DBT: variants seen among roughly 807,000 people sequenced by gnomAD.
DBT encodes the protein dihydrolipoamide branched chain transacylase E2.
A neutral mutation model predicts 51.3 loss-of-function variants in DBT; 40 were observed. That is an observed-to-expected ratio of 0.78 (90% CI 0.61 to 1.02). DBT has a LOEUF of 1.02. Ranked by LOEUF, DBT falls within the 50% of genes least tolerant of loss-of-function variation. DBT has a pLI of 0.00. For synonymous variants in DBT, 181 were observed against 190.4 expected (o/e 0.95, Z 0.41); for missense variants, 510 against 580.2 (o/e 0.88, Z 1.24).
At position 100,240,817 on chromosome 1, in the gene DBT, A is replaced by C; in HGVS notation, c.119T>G (p.Phe40Cys). ...HVLKPNYVCF[F>C]GYPSFKYSHP... ...ACTATACTTGAATGAAGGATAACCAAAGAAACACACATAATTTGGCTTCAA... is the reference window on the plus strand; with the variant it reads ...ACTATACTTGAATGAAGGATAACCACAGAAACACACATAATTTGGCTTCAA... Residue 40 changes from phenylalanine to cysteine, a missense_variant, in exon 2 of 11, where the codon TTT becomes TGT. By Grantham distance (205) the Phe-to-Cys change is radical. Transcript: ENST00000370132. 6.2e-7 allele frequency: 1 copy of C among 1,609,686 alleles called. No homozygotes were observed. Among genetic ancestry groups the C allele is most frequent in the East Asian group, 2.2e-5 (1 of 44,766 alleles).
At position 100,192,140 on chromosome 1, in the gene DBT, C is replaced by G. The variant is rs978786956; in HGVS notation, c.*4115G>C. 1.3e-5 allele frequency: 2 copies of G among 152,122 alleles called. No individual in the cohort carries two copies. Among genetic ancestry groups the G allele is most frequent in the Non-Finnish European group, 2.9e-5 (2 of 68,046 alleles). 9.4% of individuals were successfully genotyped at this position (152,122 alleles called of 1,614,324 possible). On this transcript the variant is annotated 3_prime_UTR_variant, in exon 11 of 11. Transcript: ENST00000370132. ...ACTGGAAATGATGTGGGTTCACACA[C>G]ATGATCCAATCTCAAGAAAAGACAG...
chr1:100,241,173 G>C (rs955952922), intron 1 of DBT, among the ~76,000 whole-genome samples: 1 of 152,050 alleles, frequency 6.6e-6, no homozygotes, highest in African/African-American at 2.4e-5. Context: ...GTAATAGTTA[G>C]CATCTAAAAA....
chr1:100,211,204 C>T (rs1400711960), intron 7 of DBT: 2 of 740,690 alleles, frequency 2.7e-6, no homozygotes, highest in Admixed American at 1.9e-5. Context: ...TCAAAGCGCA[C>T]TGACCAGTAG....
Position 100,191,795 on chromosome 1 carries a change from CACACACACACACAG to C in DBT, c.*4446_*4459del, listed in dbSNP as rs1660823363. ...ACACACACACACACACACACACACA[CACACACACACACAG>C]AGTCTTGCTCTGTCGCCCAGGCTGG... On this transcript the variant is annotated 3_prime_UTR_variant, in exon 11 of 11. Coordinates refer to ENST00000370132, the MANE Select transcript of DBT (RefSeq NM_001918.5). 2 of 135,076 alleles carry C rather than the reference CACACACACACACAG, an allele frequency of 1.5e-5. No individual in the cohort carries two copies. Among genetic ancestry groups the C allele is most frequent in the Non-Finnish European group, 3.3e-5 (2 of 61,528 alleles). The allele number at this position is 135,076 out of a possible 1,614,324, so 8.4% of individuals were successfully genotyped here.
intron 8 of DBT, 76 bp downstream of exon 8, chr1:100,210,618 A>G: frequency 1.3e-6 from 2 of 1,596,898 alleles, no homozygotes; most frequent in Non-Finnish European, 1.7e-6. Context: ...GAGGTACAAT[A>G]GAAGTCTCTA....
In DBT at chr1:100,218,585, C is replaced by T. The variant is rs770727089; in HGVS notation, c.555+41G>A. 18 of 1,609,906 alleles carry T rather than the reference C, an allele frequency of 1.1e-5. No homozygotes were observed. In the East Asian group the frequency reaches 4.0e-4, roughly 36 times the overall value. ...AATTTTTCAGAGATACAAATGTACACTTCCTATACAATCTCAGACTTAAAT... is the reference window on the plus strand; with the variant it reads ...AATTTTTCAGAGATACAAATGTACATTTCCTATACAATCTCAGACTTAAAT... On this transcript the variant is annotated intron_variant, in intron 5 of 10. Transcript: ENST00000370132.
chr1:100,187,340 A>G lies in DBT; in HGVS notation c.*8915T>C, dbSNP rs1660610141. The G allele has an allele frequency of 6.6e-6, 1 of 152,216 alleles. No individual in the cohort carries two copies. The highest frequency in any genetic ancestry group is 2.4e-5 in the African/African-American group (1 of 41,448). The allele number at this position is 152,216 out of a possible 1,614,324, so 9.4% of individuals were successfully genotyped here. On this transcript the variant is annotated 3_prime_UTR_variant, in exon 11 of 11. Coordinates refer to ENST00000370132, the MANE Select transcript of DBT (RefSeq NM_001918.5). ...ACTGGTTTCCTATATGTTGACTGAG[A>G]TACTTTTTACTGCATAGCAAATTAA...
At chr1:100,206,411 G>A (rs767993331) in intron 9 of DBT, 34 bp downstream of exon 9, 2 of 1,557,106 alleles carry the variant, frequency 1.3e-6, no homozygotes, top group Non-Finnish European at 1.8e-6. Flanking sequence ...GAAACCTTAA[G>A]TAATGGTTTA....
intron 1 of DBT, 129 bp downstream of exon 1, chr1:100,249,641 G>T: frequency 1.1e-6 from 1 of 896,560 alleles, no homozygotes; most frequent in Non-Finnish European, 1.9e-6. Flanking sequence ...TATTTTGCAT[G>T]CATCCCTTCA....
At chr1:100,213,575 A>G (rs1662294231) in intron 7 of DBT, 2 of 1,590,176 alleles carry the variant, frequency 1.3e-6, no homozygotes, top group Non-Finnish European at 1.7e-6. Context: ...CTTCCTGGGC[A>G]TCTTCCTGGC....
intron 10 of DBT, among the ~76,000 whole-genome samples, chr1:100,202,687 C>T (rs1047498431): frequency 1.3e-5 from 2 of 152,160 alleles, no homozygotes; most frequent in Non-Finnish European, 2.9e-5. Flanking sequence ...AAGTAAAACT[C>T]TCCTCAGCAA....
At chr1:100,237,009 G>A (rs961590811) in intron 2 of DBT, among the ~76,000 whole-genome samples, 3 of 152,198 alleles carry the variant, frequency 2.0e-5, no homozygotes, top group African/African-American at 7.2e-5. Flanking sequence ...CTTTGCAGCT[G>A]TTCCCATCAG....
At chr1:100,213,664 C>T (rs939963434) in intron 7 of DBT, 1 of 1,610,684 alleles carries the variant, frequency 6.2e-7, no homozygotes, top group Non-Finnish European at 8.5e-7. Flanking sequence ...GAGCCACCTT[C>T]GCTTAAAGGG....
At chr1:100,231,019 A>G (rs1663528131) in intron 3 of DBT, 105 bp from the exon 4 acceptor site, 2 of 743,798 alleles carry the variant, frequency 2.7e-6, no homozygotes, top group Non-Finnish European at 4.8e-6. Flanking sequence ...CATCTAGCCC[A>G]GCATTTACTT....
chr1:100,213,455 A>G, intron 7 of DBT: 1 of 1,563,224 alleles, frequency 6.4e-7, no homozygotes, highest in South Asian at 1.1e-5. Context: ...CCACCATCCC[A>G]GGGTCTACAA....
At chr1:100,214,107 T>C (rs1662343949) in intron 7 of DBT, among the ~76,000 whole-genome samples, 1 of 152,186 alleles carries the variant, frequency 6.6e-6, no homozygotes, top group Non-Finnish European at 1.5e-5. Context: ...TCCCAAGGCT[T>C]AGCACTAGAA....
At chr1:100,204,693 G>A (rs1335839130) in intron 10 of DBT, among the ~76,000 whole-genome samples, 1 of 152,056 alleles carries the variant, frequency 6.6e-6, no homozygotes, top group Non-Finnish European at 1.5e-5. Context: ...CATGCTACCT[G>A]ACCTCAAACT....
intron 4 of DBT, among the ~76,000 whole-genome samples, chr1:100,229,557 C>T (rs1333487609): frequency 1.3e-5 from 2 of 152,104 alleles, no homozygotes; most frequent in East Asian, 1.9e-4. Context: ...ATAAATTATA[C>T]CATGTGATTC....
At position 100,186,961 on chromosome 1, in the gene DBT, T is replaced by C. The variant is rs540231776; in HGVS notation, c.*9294A>G. The C allele has an allele frequency of 1.3e-5, 2 of 152,236 alleles. No individual in the cohort carries two copies. Among genetic ancestry groups the C allele is most frequent in the South Asian group, 4.1e-4 (2 of 4,828 alleles). The allele number at this position is 152,236 out of a possible 1,614,324, so 9.4% of individuals were successfully genotyped here. A position where few individuals can be genotyped will look rare whatever the true frequency, so the allele number is the denominator to read the frequency against. ...TGTTTATTCTATAGCCTACTGGGAA[T>C]TGGCCAGAAGTTAGAAGGACATTGG... is the stretch of plus-strand genomic sequence containing the variant. On this transcript the variant is annotated 3_prime_UTR_variant, in exon 11 of 11. Coordinates refer to ENST00000370132, the MANE Select transcript of DBT (RefSeq NM_001918.5).
Sources: allele counts gnomAD v4.1 joint callset (sites outside exome capture counted in the v4.1 genomes callset), GRCh38; gene constraint gnomAD v4.1.1; transcripts MANE v1.5; gene names NCBI Gene and HGNC (gene_info 2026-07-23, HGNC 2026-07-21).